ADGRA2: variants seen among roughly 807,000 people sequenced by gnomAD.
ADGRA2 encodes the protein adhesion G protein-coupled receptor A2, also known as G-protein coupled receptor 124.
A neutral mutation model predicts 98.7 loss-of-function variants in ADGRA2; 61 were observed. The ratio of observed to expected loss-of-function variants is 0.62; its 90% CI spans 0.50 to 0.76. The LOEUF (loss-of-function observed/expected upper bound fraction) is 0.76. Among genes scored for constraint, ADGRA2 ranks in the 30% least tolerant of loss-of-function variants. The pLI, the probability that ADGRA2 is intolerant of heterozygous loss-of-function variation, is 0.00. For synonymous variants in ADGRA2, 858 were observed against 831.5 expected, an observed-to-expected ratio of 1.03 and a Z score of -0.55; for missense variants, 1,712 against 1,860.0, an observed-to-expected ratio of 0.92 and a Z score of 1.46.
Position 37,802,129 on chromosome 8 carries a change from T to C in ADGRA2, c.266+4595T>C, listed in dbSNP as rs1804526407. Among the ~76,000 whole-genome samples, 2 of 152,192 alleles carry C rather than the reference T, an allele frequency of 1.3e-5. No homozygotes were observed. Among genetic ancestry groups the C allele is most frequent in the Admixed American group, 1.3e-4 (2 of 15,278 alleles). On this transcript the variant is annotated intron_variant, in intron 1 of 18. Coordinates refer to ENST00000412232, the MANE Select transcript of ADGRA2 (RefSeq NM_032777.10). The surrounding 1 kb of genome is among the most constrained non-coding windows in gnomAD (Gnocchi z 4.7). ...TCTTTGTAGGGGAAGTTGAGGAAGA[T>C]GGGCCTCAGGGAAGTGGTTCTTGAG...
At position 37,842,200 on chromosome 8, in the gene ADGRA2, A is replaced by G. The variant is rs2130072208; in HGVS notation, c.3862A>G (p.Lys1288Glu). Reference sequence around the variant, plus strand: ...TCTCAAGGGCGGCGGCGCGCTGGAGAAGGAGAGCCATCGCCGCTCGTACCC... The same window carrying G: ...TCTCAAGGGCGGCGGCGCGCTGGAGGAGGAGAGCCATCGCCGCTCGTACCC... ...DSLKGGGALE[K>E]ESHRRSYPLN... Residue 1288 changes from lysine (K) to glutamate (E), a missense_variant, in exon 19 of 19, where the codon AAG becomes GAG. By Grantham distance (56) the Lys-to-Glu change is moderately conservative. Coordinates refer to ENST00000412232, the MANE Select transcript of ADGRA2 (RefSeq NM_032777.10). The G allele has an allele frequency of 1.9e-6, 3 of 1,543,158 alleles. No homozygotes were observed. The highest frequency in any genetic ancestry group is 1.2e-5 in the South Asian group (1 of 83,394).
chr8:37,818,528 C>T (rs181442821), intron 2 of ADGRA2, among the ~76,000 whole-genome samples: 31 of 152,370 alleles, frequency 2.0e-4, no homozygotes, highest in South Asian at 2.1e-4. Flanking sequence ...GGCTTGATGC[C>T]GAGTCGTGCG....
chr8:37,821,878 C>T (rs1217825949), intron 2 of ADGRA2, among the ~76,000 whole-genome samples: 2 of 152,158 alleles, frequency 1.3e-5, no homozygotes, highest in African/African-American at 4.8e-5. Flanking sequence ...GTGAGGCTTG[C>T]CCAACGCCAG....
rs750700720 is a variant in ADGRA2 at position 37,829,974 on chromosome 8, T to G, written c.678T>G (p.Ala226=). 4 of 1,603,034 alleles carry G rather than the reference T, an allele frequency of 2.5e-6. No individual in the cohort carries two copies. The highest frequency in any genetic ancestry group is 1.7e-6 in the Non-Finnish European group (2 of 1,177,036). The change falls in exon 6 of 19, where the codon GCT becomes GCG. Residue 226 remains alanine, a synonymous_variant. Transcript: ENST00000412232. ...TLCAYPSALH[A]QALGSLQEAQ... Reference sequence around the variant, plus strand: ...GTGCTTACCCCAGTGCCCTGCATGCTCAGGCCCTGGGCAGCCTCCAGGAGG... The same window carrying G: ...GTGCTTACCCCAGTGCCCTGCATGCGCAGGCCCTGGGCAGCCTCCAGGAGG...
At position 37,808,222 on chromosome 8, in the gene ADGRA2, T is replaced by C. The variant is rs542025354; in HGVS notation, c.267-6674T>C. Among the ~76,000 whole-genome samples, 565 of 152,052 alleles carry C rather than the reference T, an allele frequency of 3.7e-3. 1 individual carries two copies. The highest frequency in any genetic ancestry group is 0.013 in the African/African-American group (520 of 41,484). On this transcript the variant is annotated intron_variant, in intron 1 of 18. Transcript: ENST00000412232. ...CCTCCTTCCTGTGAAAAGCTTGACA[T>C]TAGGAGTGGGAGAAGGGCGTGGGAG... is the stretch of plus-strand genomic sequence containing the variant.
chr8:37,815,315 G>A (rs976428408), intron 2 of ADGRA2, among the ~76,000 whole-genome samples: 1 of 152,234 alleles, frequency 6.6e-6, no homozygotes, highest in Non-Finnish European at 1.5e-5. Context: ...AAAGGGCGGA[G>A]GGCAGCTTAA....
chr8:37,809,226 G>A (rs1804758008), intron 1 of ADGRA2, among the ~76,000 whole-genome samples: 1 of 151,830 alleles, frequency 6.6e-6, no homozygotes, highest in African/African-American at 2.4e-5. Context: ...AGCTCAAGAG[G>A]TGGAGGCTGC....
intron 2 of ADGRA2, among the ~76,000 whole-genome samples, chr8:37,815,827 C>G (rs58134820): frequency 0.12 from 17,598 of 152,184 alleles, 2,510 homozygotes; most frequent in African/African-American, 0.33. Context: ...CCAGGGACCA[C>G]AGCCTGGACC....
chr8:37,828,962 G>C lies in ADGRA2; in HGVS notation c.410+3G>C, dbSNP rs1805371051. ...GGCCTGGGGGAGCTGAAGCGTTTGT[G>C]AGTGGCACGCCCTCCCCTGACCCCA... On this transcript the variant is annotated splice_donor_region_variant and intron_variant, in intron 3 of 18. Transcript: ENST00000412232. 4 of 1,566,780 alleles carry C rather than the reference G, an allele frequency of 2.6e-6. No homozygotes were observed. In the African/African-American group the frequency reaches 4.1e-5, roughly 16 times the overall value.
intron 1 of ADGRA2, among the ~76,000 whole-genome samples, chr8:37,808,134 G>A (rs975315673): frequency 1.3e-5 from 2 of 152,184 alleles, no homozygotes; most frequent in Non-Finnish European, 2.9e-5. Flanking sequence ...GACTCGGTGT[G>A]CCCCCTCTCT....
chr8:37,839,012 G>A lies in ADGRA2; in HGVS notation c.2316G>A (p.Val772=), dbSNP rs533678681. The change falls in exon 15 of 19, where the codon GTG becomes GTA. Residue 772 remains valine, a synonymous_variant. Transcript: ENST00000412232. Reference sequence around the variant, plus strand: ...GCGCCGGGGCAGGGCTGCACCCCGTGGTATACCCCTGCACGGCCTTGCTGC... The same window carrying A: ...GCGCCGGGGCAGGGCTGCACCCCGTAGTATACCCCTGCACGGCCTTGCTGC... The part of the protein sequence containing the change: ...VGGAGAGLHP[V]VYPCTALLLL... 3.7e-6 allele frequency: 6 copies of A among 1,600,942 alleles called. No individual in the cohort carries two copies. The highest frequency in any genetic ancestry group is 1.7e-4 in the Middle Eastern group (1 of 5,946).
chr8:37,836,573 C>A (rs535206309), intron 13 of ADGRA2, among the ~76,000 whole-genome samples: 1 of 152,170 alleles, frequency 6.6e-6, no homozygotes, highest in African/African-American at 2.4e-5. Context: ...CGACCCCACA[C>A]CTGCCTTCTT....
rs1805705943 is a variant in ADGRA2, at chr8:37,839,055, A to G, written c.2359A>G (p.Thr787Ala). Residue 787 changes from threonine (T) to alanine (A), a missense_variant, in exon 15 of 19, where the codon ACC becomes GCC. By Grantham distance (58) the Thr-to-Ala change is moderately conservative. Coordinates refer to ENST00000412232, the MANE Select transcript of ADGRA2 (RefSeq NM_032777.10). ...CTTGCTGCTGCTCTGCCTCTTCGCC[A>G]CCATCATCACCTACATCCTCAACCA... ...TALLLLCLFA[T>A]IITYILNHSS... 1 of 1,609,330 alleles carries G rather than the reference A, an allele frequency of 6.2e-7. No individual in the cohort carries two copies. The highest frequency in any genetic ancestry group is 2.2e-5 in the East Asian group (1 of 44,818).
intron 2 of ADGRA2, 36 bp downstream of exon 2, chr8:37,815,003 T>G (rs1585975954): frequency 1.4e-6 from 2 of 1,395,508 alleles, no homozygotes; most frequent in Non-Finnish European, 1.0e-6. Context: ...AGGAGGGGGG[T>G]GGCCGTGATG....
chr8:37,797,460 G>A lies in ADGRA2; in HGVS notation c.192G>A (p.Arg64=), dbSNP rs1804363942. The A allele has an allele frequency of 1.4e-6, 2 of 1,426,558 alleles. No individual in the cohort carries two copies. Among genetic ancestry groups the A allele is most frequent in the South Asian group, 1.6e-5 (1 of 63,070 alleles). The allele number at this position is 1,426,558 out of a possible 1,614,324, so 88.4% of individuals were successfully genotyped here. A position where few individuals can be genotyped will look rare whatever the true frequency, so the allele number is the denominator to read the frequency against. The change falls in exon 1 of 19, where the codon CGG becomes CGA. Residue 64 remains arginine (R), a synonymous_variant. Coordinates refer to ENST00000412232, the MANE Select transcript of ADGRA2 (RefSeq NM_032777.10). This position sits in a 1 kb window ranked among gnomAD's most constrained non-coding sequence, Gnocchi z 5.3. ...LSGGVPGPAR[R]RVVCSGGDLP... The stretch of plus-strand genomic sequence containing the variant: ...GCGGCGTCCCTGGCCCGGCTCGGCG[G>A]AGGGTGGTGTGCAGCGGCGGGGACC...
intron 1 of ADGRA2, among the ~76,000 whole-genome samples, chr8:37,803,217 A>G (rs909742427): frequency 4.6e-5 from 7 of 152,236 alleles, no homozygotes; most frequent in African/African-American, 1.4e-4. Flanking sequence ...CTGATGGAGA[A>G]TAAGTTCCAG....
At chr8:37,813,680 C>T (rs1279819277) in intron 1 of ADGRA2, among the ~76,000 whole-genome samples, 2 of 152,142 alleles carry the variant, frequency 1.3e-5, no homozygotes. Context: ...GTCTCCACCC[C>T]TCCCTCCTCC....
chr8:37,836,088 CACACACA>C (rs1563351742), intron 13 of ADGRA2, among the ~76,000 whole-genome samples: 18 of 134,144 alleles, frequency 1.3e-4, no homozygotes, highest in Middle Eastern at 3.6e-3. Flanking sequence ...CACACACACA[CACACACA>C]CACCCCACAG....
intron 2 of ADGRA2, among the ~76,000 whole-genome samples, chr8:37,817,411 A>G (rs374419068): frequency 2.0e-5 from 3 of 152,198 alleles, no homozygotes; most frequent in African/African-American, 7.2e-5. Flanking sequence ...CCAAGCTGCT[A>G]TCTAAAAGTC....
Sources: gnomAD v4.1 joint callset for allele counts (sites outside exome capture counted in the v4.1 genomes callset) on GRCh38, gnomAD v4.1.1 for gene constraint, Gnocchi (gnomAD v3.1) non-coding constraint, MANE v1.5 for transcripts, NCBI Gene and HGNC (gene_info 2026-07-23, HGNC 2026-07-21) for gene names.